Variants in TBC1D10B observed in about 807,000 individuals in gnomAD.
The protein encoded by TBC1D10B is Rab27A-GAPbeta.
A neutral mutation model predicts 78.4 loss-of-function variants in TBC1D10B; 25 were observed. The observed-to-expected ratio is 0.32, with a 90% CI of 0.23 to 0.45. The LOEUF (loss-of-function observed/expected upper bound fraction) is 0.45. TBC1D10B is among the 20% of genes least tolerant of loss of function. The pLI is 1.00. For synonymous variants in TBC1D10B, 517 were observed against 478.0 expected, an observed-to-expected ratio of 1.08 and a Z score of -1.06; for missense variants, 996 against 1,104.8, an observed-to-expected ratio of 0.90 and a Z score of 1.40.
At chr16:30,368,176 A>C (rs1332774427) in intron 1 of TBC1D10B, among the ~76,000 whole-genome samples, 1 of 152,174 alleles carries the variant, frequency 6.6e-6, no homozygotes, top group African/African-American at 2.4e-5. Context: ...TGGTTGGCTC[A>C]TGAACCCTGC....
rs1218737898 is a variant in TBC1D10B, at chr16:30,358,804, G to A, written c.1656C>T (p.Ile552=). ...DMFFCEGVKI[I]FRVALVLLRH... ...GCAGCAGGACCAGGGCCACCCGGAA[G>A]ATGATCTTAACGCCTGCAGGGGTGG... The change falls in exon 8 of 9, where the codon ATC becomes ATT. Residue 552 remains isoleucine, a synonymous_variant. Coordinates refer to ENST00000409939, the MANE Select transcript of TBC1D10B (RefSeq NM_015527.4). 2.5e-6 allele frequency: 4 copies of A among 1,608,146 alleles called. No individual in the cohort carries two copies. Among genetic ancestry groups the A allele is most frequent in the Non-Finnish European group, 3.4e-6 (4 of 1,177,758 alleles).
Position 30,359,184 on chromosome 16 carries a change from A to G in TBC1D10B, c.1630T>C (p.Phe544Leu). The part of the protein sequence containing the change: ...WASVLRVWDM[F>L]FCEGVKIIFR... ...GCCACAGAAGTACCTTCACAGAAAA[A>G]CATGTCCCAGACACGCAGCACCGAC... The change falls in exon 7 of 9, where the codon TTT (phenylalanine) becomes CTT (leucine). Residue 544 changes from phenylalanine (F) to leucine (L), a missense_variant. By Grantham distance (22) the Phe-to-Leu change is conservative. This residue lies in a region of TBC1D10B where 168 missense variants were observed against 238.7 expected (regional missense o/e 0.70). Coordinates refer to ENST00000409939, the MANE Select transcript of TBC1D10B (RefSeq NM_015527.4). 6.2e-7 allele frequency: 1 copy of G among 1,611,596 alleles called. No homozygotes were observed.
intron 4 of TBC1D10B, 110 bp from the exon 5 acceptor site, chr16:30,359,951 G>A: frequency 1.0e-6 from 1 of 972,912 alleles, no homozygotes; most frequent in South Asian, 1.6e-5. Context: ...CCATCCACCT[G>A]CCCAGTCCTG....
intron 4 of TBC1D10B, among the ~76,000 whole-genome samples, chr16:30,361,391 C>G (rs1448877553): frequency 2.0e-5 from 3 of 152,180 alleles, no homozygotes; most frequent in Non-Finnish European, 4.4e-5. Context: ...TTCTTTTCTC[C>G]CATTCTCCAG....
Position 30,357,744 on chromosome 16 carries a change from T to G in TBC1D10B, c.*200A>C. The G allele has an allele frequency of 1.4e-6, 1 of 728,258 alleles. No homozygotes were observed. Among genetic ancestry groups the G allele is most frequent in the South Asian group, 2.0e-5 (1 of 50,724 alleles). 45.1% of individuals were successfully genotyped at this position (728,258 alleles called of 1,614,324 possible). A position where few individuals can be genotyped will look rare whatever the true frequency, so the allele number is the denominator to read the frequency against. ...GACCCCAGCTGAGCCTCATGGGAGA[T>G]GAGAGGCTCCAGACTCATTTGCAGC... On this transcript the variant is annotated 3_prime_UTR_variant, in exon 9 of 9. Transcript: ENST00000409939.
chr16:30,368,625 G>A (rs2049655863), intron 1 of TBC1D10B, among the ~76,000 whole-genome samples: 1 of 152,102 alleles, frequency 6.6e-6, no homozygotes, highest in Non-Finnish European at 1.5e-5. Flanking sequence ...TGAGGAAATG[G>A]GGAAGAGGCC....
rs374035939 is a variant in TBC1D10B, at chr16:30,359,325, G to A, written c.1489C>T (p.Leu497Phe). The A allele has an allele frequency of 1.1e-5, 17 of 1,586,718 alleles. No individual in the cohort carries two copies. The African/African-American group carries it at 2.0e-4, about 19-fold the overall frequency. ...IQLDGEIFFA[L>F]LRRASPLAHR... ...GCCAGCGGGGAGGCCCGGCGCAGGA[G>A]TGCAAAAAAGATCTCCCCGTCCAGC... The change falls in exon 7 of 9, where the codon CTC becomes TTC. Residue 497 changes from leucine to phenylalanine, a missense_variant. Physicochemically the swap from Leu to Phe is conservative, Grantham distance 22. Around this residue, in one of 5 missense-constraint regions of TBC1D10B, gnomAD observed 168 missense variants for 238.7 expected, o/e 0.70. Coordinates refer to ENST00000409939, the MANE Select transcript of TBC1D10B (RefSeq NM_015527.4).
chr16:30,370,107 C>T lies in TBC1D10B; in HGVS notation c.77G>A (p.Arg26Gln). ...GAPAAPSPPP[R>Q]GSRAGPVVVV... The stretch of plus-strand genomic sequence containing the variant: ...CACGACGGGCCCGGCCCGGGAACCC[C>T]GGGGCGGCGGCGAGGGGGCCGCGGG... Residue 26 changes from arginine (R) to glutamine (Q), a missense_variant, in exon 1 of 9, where the codon CGG (arginine) becomes CAG (glutamine). By Grantham distance (43) the Arg-to-Gln change is conservative. Transcript: ENST00000409939. 1.6e-6 allele frequency: 2 copies of T among 1,220,626 alleles called. No homozygotes were observed. The highest frequency in any genetic ancestry group is 2.0e-6 in the Non-Finnish European group (2 of 980,974). 75.6% of individuals were successfully genotyped at this position (1,220,626 alleles called of 1,614,324 possible).
In TBC1D10B at chr16:30,369,131, G is replaced by A; in HGVS notation, c.956+97C>T. 1 of 1,284,752 alleles carries A rather than the reference G, an allele frequency of 7.8e-7. No individual in the cohort carries two copies. Among genetic ancestry groups the A allele is most frequent in the Admixed American group, 2.8e-5 (1 of 35,608 alleles). 79.6% of individuals were successfully genotyped at this position (1,284,752 alleles called of 1,614,324 possible). On this transcript the variant is annotated intron_variant, in intron 1 of 8. Coordinates refer to ENST00000409939, the MANE Select transcript of TBC1D10B (RefSeq NM_015527.4). This position sits in a 1 kb window ranked among gnomAD's most constrained non-coding sequence, Gnocchi z 4.3. ...CCCGTGGATCCTCAGAGGAGGCTGG[G>A]CTGCCAGAGTCTGGGCAAAGTGTAT...
chr16:30,369,603 C>A lies in TBC1D10B; in HGVS notation c.581G>T (p.Gly194Val), dbSNP rs1469832019. 2.6e-6 allele frequency: 4 copies of A among 1,527,382 alleles called. No homozygotes were observed. Among genetic ancestry groups the A allele is most frequent in the Non-Finnish European group, 3.5e-6 (4 of 1,133,942 alleles). 94.6% of individuals were successfully genotyped at this position (1,527,382 alleles called of 1,614,324 possible). Residue 194 changes from glycine (G) to valine (V), a missense_variant, in exon 1 of 9, where the codon GGT (glycine) becomes GTT (valine). Gly to Val is a moderately radical substitution (Grantham distance 109). Transcript: ENST00000409939. The surrounding 1 kb of genome is among the most constrained non-coding windows in gnomAD (Gnocchi z 4.3). ...TGTTGCTGCGGCAGCTCCATGCCCACCTGTCACTTGTCCTGATGCACTCCG... is the reference window on the plus strand; with the variant it reads ...TGTTGCTGCGGCAGCTCCATGCCCAACTGTCACTTGTCCTGATGCACTCCG... ...TARSASGQVT[G>V]GHGAAAATSA...
At position 30,364,935 on chromosome 16, in the gene TBC1D10B, A is replaced by C; in HGVS notation, c.1236T>G (p.Pro412=). 2 of 1,613,186 alleles carry C rather than the reference A, an allele frequency of 1.2e-6. No individual in the cohort carries two copies. Among genetic ancestry groups the C allele is most frequent in the Non-Finnish European group, 1.7e-6 (2 of 1,179,596 alleles). The change falls in exon 4 of 9, where the codon CCT becomes CCG. Residue 412 remains proline (P), a synonymous_variant. Transcript: ENST00000409939. ...VIEKDLHRQF[P]FHEMFAARGG... is the part of the protein sequence containing the mutation. ...CTCGAGCAGCAAACATCTCGTGGAA[A>C]GGGAACTGGCGGTGCAGGTCCTTCT...
Position 30,358,191 on chromosome 16 carries a change from T to C in TBC1D10B, c.2180A>G (p.Glu727Gly). ...SSKETRKQEK[E>G]RQKQEKERQK... The stretch of plus-strand genomic sequence containing the variant: ...CCGCTCCTTCTCCTGTTTCTGCCGC[T>C]CCTTCTCCTGCTTCCGGGTCTCCTT... The change falls in exon 9 of 9, where the codon GAG (glutamate) becomes GGG (glycine). Residue 727 changes from glutamate to glycine, a missense_variant. Glu to Gly is a moderately conservative substitution (Grantham distance 98). Transcript: ENST00000409939. 1 of 1,552,620 alleles carries C rather than the reference T, an allele frequency of 6.4e-7. No homozygotes were observed. The highest frequency in any genetic ancestry group is 8.7e-7 in the Non-Finnish European group (1 of 1,147,320).
chr16:30,358,505 C>T lies in TBC1D10B; in HGVS notation c.1866G>A (p.Arg622=), dbSNP rs1450293386. 6.2e-7 allele frequency: 1 copy of T among 1,609,372 alleles called. No homozygotes were observed. The highest frequency in any genetic ancestry group is 8.5e-7 in the Non-Finnish European group (1 of 1,177,580). ...GATACTGCAGCTCCCCCCGCGTTTC[C>T]CGCCACTTCTTGAGCTGGGCTGCAT... ...RENAAQLKKW[R]ETRGELQYRP... Residue 622 remains arginine, a synonymous_variant, in exon 9 of 9, where the codon CGG becomes CGA. Coordinates refer to ENST00000409939, the MANE Select transcript of TBC1D10B (RefSeq NM_015527.4).
chr16:30,365,819 T>G lies in TBC1D10B; in HGVS notation c.957-225A>C, dbSNP rs2049631509. The G allele has an allele frequency of 1.9e-6, 1 of 528,482 alleles. No individual in the cohort carries two copies. The highest frequency in any genetic ancestry group is 3.4e-6 in the Non-Finnish European group (1 of 291,154). 32.7% of individuals were successfully genotyped at this position (528,482 alleles called of 1,614,324 possible). A position where few individuals can be genotyped will look rare whatever the true frequency, so the allele number is the denominator to read the frequency against. ...AGAGGTCATATTTAAATCTCACTTC[T>G]GACACATCCAAATCTGGGGAGAGAG... is the stretch of plus-strand genomic sequence containing the variant. On this transcript the variant is annotated intron_variant, in intron 1 of 8. Coordinates refer to ENST00000409939, the MANE Select transcript of TBC1D10B (RefSeq NM_015527.4). This position sits in a 1 kb window ranked among gnomAD's most constrained non-coding sequence, Gnocchi z 5.0.
At position 30,357,823 on chromosome 16, in the gene TBC1D10B, C is replaced by G; in HGVS notation, c.*121G>C. On this transcript the variant is annotated 3_prime_UTR_variant, in exon 9 of 9. Coordinates refer to ENST00000409939, the MANE Select transcript of TBC1D10B (RefSeq NM_015527.4). ...CAGCAGCTGGCGAGGAGATGGGGAA[C>G]CAAGCCACTTTCCCCAGCAAGGGAC... 2 of 1,375,150 alleles carry G rather than the reference C, an allele frequency of 1.5e-6. No individual in the cohort carries two copies. Among genetic ancestry groups the G allele is most frequent in the East Asian group, 5.0e-5 (2 of 39,906 alleles). The allele number at this position is 1,375,150 out of a possible 1,614,324, so 85.2% of individuals were successfully genotyped here.
chr16:30,358,590 T>C lies in TBC1D10B; in HGVS notation c.1798-17A>G, dbSNP rs769937416. The C allele has an allele frequency of 1.3e-6, 2 of 1,592,430 alleles. No individual in the cohort carries two copies. Among genetic ancestry groups the C allele is most frequent in the South Asian group, 2.2e-5 (2 of 89,164 alleles). ...ATTGGTCACCTGCACAGAGAGGAAA[T>C]GCGTACCAGAATGGAGCTGAGGGTG... On this transcript the variant is annotated splice_polypyrimidine_tract_variant and intron_variant, in intron 8 of 8. Transcript: ENST00000409939.
In TBC1D10B at chr16:30,358,060, C is replaced by G; in HGVS notation, c.2311G>C (p.Glu771Gln). The G allele has an allele frequency of 6.4e-7, 1 of 1,551,760 alleles. No individual in the cohort carries two copies. The highest frequency in any genetic ancestry group is 1.2e-5 in the South Asian group (1 of 84,004). The change falls in exon 9 of 9, where the codon GAG becomes CAG. Residue 771 changes from glutamate to glutamine, a missense_variant. Glu to Gln is a conservative substitution (Grantham distance 29). This residue lies in a region of TBC1D10B where 285 missense variants were observed against 252.5 expected (regional missense o/e 1.13). Coordinates refer to ENST00000409939, the MANE Select transcript of TBC1D10B (RefSeq NM_015527.4). ...AGCTTCCGGCCTTGAGCCTTCTTCT[C>G]CTGCTTCTGCCGCTCCTTCTCCTGC... ...EKQEKERQKQ[E>Q]KKAQGRKLSL...
intron 1 of TBC1D10B, chr16:30,367,075 A>G (rs1318375849): frequency 1.3e-5 from 2 of 152,260 alleles, no homozygotes; most frequent in Admixed American, 1.3e-4. Context: ...ACATGTCTTC[A>G]ATCCGATACT....
intron 6 of TBC1D10B, 85 bp from the exon 7 acceptor site, chr16:30,359,446 C>A (rs1431879878): frequency 8.4e-6 from 13 of 1,545,860 alleles, no homozygotes; most frequent in Non-Finnish European, 1.1e-5. Flanking sequence ...TGGGCAGAAG[C>A]CGGGAAGGCC....
Sources: gnomAD v4.1 joint callset for allele counts (sites outside exome capture counted in the v4.1 genomes callset) on GRCh38, gnomAD v4.1.1 for gene constraint, gnomAD v4.1.1 regional missense constraint, Gnocchi (gnomAD v3.1) non-coding constraint, MANE v1.5 for transcripts, NCBI Gene and HGNC (gene_info 2026-07-23, HGNC 2026-07-21) for gene names.